The following CLIP1 variants were observed in gnomAD, a reference collection of about 807,000 sequenced individuals.
CLIP1 encodes CAP-Gly domain-containing linker protein 1.
In CLIP1, 66 loss-of-function variants were observed where a neutral mutation model predicts 161.6. The observed-to-expected ratio is 0.41, with a 90% CI of 0.33 to 0.50. CLIP1 has a LOEUF of 0.50. Ranked by LOEUF, CLIP1 falls within the 20% of genes least tolerant of loss-of-function variation. The pLI, the probability that CLIP1 is intolerant of heterozygous loss-of-function variation, is 0.27. For missense variants in CLIP1, 1,376 were observed against 1,702.0 expected, an observed-to-expected ratio of 0.81 and a Z score of 3.37; for synonymous variants, 598 against 626.2, an observed-to-expected ratio of 0.96 and a Z score of 0.67.
At chr12:122,329,796 A>G (rs1319710141) in intron 15 of CLIP1, among the ~76,000 whole-genome samples, 1 of 152,100 alleles carries the variant, frequency 6.6e-6, no homozygotes. Flanking sequence ...CTTTAAAGAG[A>G]CCATGTGGTT....
Position 122,352,848 on chromosome 12 carries a change from AC to A in CLIP1, c.1308-63del, listed in dbSNP as rs1473273195. 9 of 1,413,684 alleles carry A rather than the reference AC, an allele frequency of 6.4e-6. No individual in the cohort carries two copies. The East Asian group carries it at 2.0e-4, about 32-fold the overall frequency. 87.6% of individuals were successfully genotyped at this position (1,413,684 alleles called of 1,614,324 possible). On this transcript the variant is annotated intron_variant, in intron 7 of 25. Transcript: ENST00000620786. ...TAAGTAACACACAGCCTTTAAAAAA[AC>A]AAAACAAACAAACAAAAAAACACGT...
At chr12:122,351,706 G>A (rs1013356584) in intron 8 of CLIP1, among the ~76,000 whole-genome samples, 1 of 152,090 alleles carries the variant, frequency 6.6e-6, no homozygotes, top group Non-Finnish European at 1.5e-5. Flanking sequence ...GTAGATTAAA[G>A]AACTACAAAT....
intron 17 of CLIP1, among the ~76,000 whole-genome samples, chr12:122,321,155 G>A (rs1951485815): frequency 6.6e-6 from 1 of 151,832 alleles, no homozygotes; most frequent in Admixed American, 6.6e-5. Context: ...AGATTTCAAT[G>A]GAATCTTCCA....
rs1555265518 is a variant in CLIP1 at position 122,330,597 on chromosome 12, G to GTTTTTTTTTTTTTGTTTTTTTTTT, written c.2868-2172_2868-2171insAAAAAAAAAACAAAAAAAAAAAAA. 4.6e-4 allele frequency among the ~76,000 whole-genome samples: 47 copies of GTTTTTTTTTTTTTGTTTTTTTTTT among 101,374 alleles called. 2 individuals carry two copies. Among genetic ancestry groups the GTTTTTTTTTTTTTGTTTTTTTTTT allele is most frequent in the African/African-American group, 1.6e-3 (36 of 22,774 alleles). The allele number at this position is 101,374 out of a possible 152,430, so 66.5% of individuals were successfully genotyped here. On this transcript the variant is annotated intron_variant, in intron 15 of 25. Coordinates refer to ENST00000620786, the MANE Select transcript of CLIP1 (RefSeq NM_001247997.2). Reference sequence around the variant, plus strand: ...TTCAGCACTGAAGAAGTATAATGCAGTTTTTTTTTTTTTTTTTTTTGAGAT... The same window carrying GTTTTTTTTTTTTTGTTTTTTTTTT: ...TTCAGCACTGAAGAAGTATAATGCAGTTTTTTTTTTTTTGTTTTTTTTTTTTTTTTTTTTTTTTTTTTTTGAGAT...
intron 3 of CLIP1, among the ~76,000 whole-genome samples, chr12:122,368,447 C>G (rs1954273685): frequency 6.6e-6 from 1 of 152,060 alleles, no homozygotes; most frequent in Non-Finnish European, 1.5e-5. Flanking sequence ...AAACAGGAAA[C>G]AGAAACAATC....
At chr12:122,379,307 C>G (rs75353634) in intron 2 of CLIP1, among the ~76,000 whole-genome samples, 2 of 117,062 alleles carry the variant, frequency 1.7e-5, no homozygotes, top group Non-Finnish European at 3.6e-5. Context: ...TACAGCATCT[C>G]AAAAAAAAAA....
intron 1 of CLIP1, among the ~76,000 whole-genome samples, chr12:122,407,277 G>A (rs1252883931): frequency 6.6e-6 from 1 of 151,988 alleles, no homozygotes; most frequent in Non-Finnish European, 1.5e-5. Flanking sequence ...GAAATCACTT[G>A]TCAAGGTCAT....
intron 1 of CLIP1, among the ~76,000 whole-genome samples, chr12:122,388,470 C>A (rs1955429941): frequency 6.6e-6 from 1 of 152,172 alleles, no homozygotes; most frequent in African/African-American, 2.4e-5. Flanking sequence ...CTGCCTGCCT[C>A]GGCCTCCTAA....
intron 9 of CLIP1, among the ~76,000 whole-genome samples, chr12:122,347,892 G>A (rs889232475): frequency 2.6e-5 from 4 of 152,086 alleles, no homozygotes; most frequent in South Asian, 2.1e-4. Context: ...TAACTGACTC[G>A]ATAACTTCAC....
intron 17 of CLIP1, among the ~76,000 whole-genome samples, chr12:122,325,564 C>G (rs972016427): frequency 1.3e-5 from 2 of 152,174 alleles, no homozygotes; most frequent in Admixed American, 6.5e-5. Flanking sequence ...TCACTGCAAC[C>G]TCTGCCTCCC....
chr12:122,358,503 G>A (rs1055531940), intron 5 of CLIP1, among the ~76,000 whole-genome samples: 1 of 151,652 alleles, frequency 6.6e-6, no homozygotes, highest in Admixed American at 6.6e-5. Context: ...TATGGAAGGG[G>A]GCAGTATGGC....
At chr12:122,321,017 C>CA (rs1406265467) in intron 17 of CLIP1, among the ~76,000 whole-genome samples, 2 of 130,376 alleles carry the variant, frequency 1.5e-5, no homozygotes, top group African/African-American at 6.3e-5. Flanking sequence ...GAGACTCTGT[C>CA]TTAAATAAAT....
chr12:122,282,499 T>C (rs969557367), intron 21 of CLIP1, among the ~76,000 whole-genome samples: 4 of 152,164 alleles, frequency 2.6e-5, no homozygotes, highest in Admixed American at 2.0e-4. Context: ...ATTCCAGTAA[T>C]GAAGCAAATA....
chr12:122,293,002 C>CA (rs57326141), intron 20 of CLIP1, among the ~76,000 whole-genome samples: 1,047 of 42,964 alleles, frequency 0.024, 45 homozygotes, highest in African/African-American at 0.051. Flanking sequence ...GACTCTGTCT[C>CA]AAAAAAAAAA....
At chr12:122,281,412 C>T (rs916948428) in intron 21 of CLIP1, among the ~76,000 whole-genome samples, 1 of 152,050 alleles carries the variant, frequency 6.6e-6, no homozygotes, top group Non-Finnish European at 1.5e-5. Context: ...TTCAGCCAGG[C>T]GCGGTGTCTC....
intron 17 of CLIP1, among the ~76,000 whole-genome samples, chr12:122,319,709 T>C (rs2062488): frequency 0.64 from 97,015 of 152,154 alleles, 33,505 homozygotes; most frequent in East Asian, 0.84. Context: ...CATCCTTATA[T>C]AGCTGAATTT....
intron 20 of CLIP1, among the ~76,000 whole-genome samples, chr12:122,298,715 G>A (rs925838161): frequency 1.3e-5 from 2 of 152,136 alleles, no homozygotes; most frequent in Admixed American, 6.6e-5. Flanking sequence ...AGCATTTTGG[G>A]AGGATGAGCC....
intron 19 of CLIP1, among the ~76,000 whole-genome samples, chr12:122,316,188 C>T (rs189688149): frequency 6.6e-6 from 1 of 150,716 alleles, no homozygotes; most frequent in East Asian, 2.0e-4. Flanking sequence ...TGATTCTACT[C>T]GTACTTTCAA....
chr12:122,295,738 C>T (rs1950443486), intron 20 of CLIP1, among the ~76,000 whole-genome samples: 1 of 152,176 alleles, frequency 6.6e-6, no homozygotes, highest in South Asian at 2.1e-4. Context: ...GTTGAATTTT[C>T]AATTTCTCTT....
Sources: allele counts gnomAD v4.1 joint callset (sites outside exome capture counted in the v4.1 genomes callset), GRCh38; gene constraint gnomAD v4.1.1; transcripts MANE v1.5; gene names NCBI Gene and HGNC (gene_info 2026-07-23, HGNC 2026-07-21).